Variants in RBFOX1 observed in about 807,000 individuals in gnomAD.
The protein encoded by RBFOX1 is RNA binding protein fox-1 homolog 1.
RBFOX1 carries 8 observed loss-of-function variants against 57.7 expected under a neutral mutation model. The ratio of observed to expected loss-of-function variants is 0.14; its 90% CI spans 0.08 to 0.25. The LOEUF is 0.25. RBFOX1 is among the 10% of genes least tolerant of loss of function. The pLI is 1.00. For synonymous variants in RBFOX1, 326 were observed against 222.4 expected (o/e 1.47, Z -4.15); for missense variants, 611 against 548.5 (o/e 1.11, Z -1.14).
chr16:6,893,434 A>G (rs1205580762), intron 3 of RBFOX1, among the ~76,000 whole-genome samples: 1 of 152,194 alleles, frequency 6.6e-6, no homozygotes, highest in African/African-American at 2.4e-5. Flanking sequence ...CTCATTCATC[A>G]AAAGATCTTT....
chr16:6,726,830 C>T (rs2067297113), intron 3 of RBFOX1, among the ~76,000 whole-genome samples: 1 of 152,002 alleles, frequency 6.6e-6, no homozygotes, highest in Non-Finnish European at 1.5e-5. Flanking sequence ...TTTTAAGGAA[C>T]ACCAAGTTCT....
intron 3 of RBFOX1, among the ~76,000 whole-genome samples, chr16:5,622,965 C>G (rs774138803): frequency 2.6e-5 from 4 of 152,142 alleles, no homozygotes; most frequent in Non-Finnish European, 5.9e-5. Flanking sequence ...AATCTATAGA[C>G]AGTTTGAAGT....
chr16:7,602,006 T>C (rs900447587), intron 9 of RBFOX1, among the ~76,000 whole-genome samples: 2 of 152,202 alleles, frequency 1.3e-5, no homozygotes, highest in African/African-American at 4.8e-5. Context: ...ATCCTTAGTA[T>C]ATGTCTTTAG....
At chr16:7,198,124 GCCTCC>G (rs958232416) in intron 4 of RBFOX1, among the ~76,000 whole-genome samples, 1 of 145,894 alleles carries the variant, frequency 6.9e-6, no homozygotes, top group Non-Finnish European at 1.5e-5. Flanking sequence ...TCCTGCCTCA[GCCTCC>G]CAAGTAGCTG....
intron 3 of RBFOX1, among the ~76,000 whole-genome samples, chr16:6,793,661 T>C (rs904901628): frequency 6.6e-6 from 1 of 152,214 alleles, no homozygotes; most frequent in African/African-American, 2.4e-5. Context: ...CAAAGTATTA[T>C]AACTTGCTCT....
chr16:5,781,151 T>C (rs1445486146), intron 3 of RBFOX1, among the ~76,000 whole-genome samples: 3 of 152,136 alleles, frequency 2.0e-5, no homozygotes, highest in Non-Finnish European at 4.4e-5. Flanking sequence ...CCGAAAAGTA[T>C]GGTGAAATTA....
chr16:5,999,069 C>T (rs921864691), intron 4 of RBFOX1, among the ~76,000 whole-genome samples: 1 of 152,194 alleles, frequency 6.6e-6, no homozygotes, highest in Non-Finnish European at 1.5e-5. Flanking sequence ...GTTCAAGGAG[C>T]ATGACAGAGT....
At chr16:6,939,432 A>G (rs916013670) in intron 3 of RBFOX1, among the ~76,000 whole-genome samples, 3 of 151,718 alleles carry the variant, frequency 2.0e-5, no homozygotes, top group African/African-American at 7.3e-5. Context: ...TATATAGTAG[A>G]CATCTGTTTT....
intron 1 of RBFOX1, among the ~76,000 whole-genome samples, chr16:5,431,563 C>T (rs969945085): frequency 1.3e-4 from 20 of 151,964 alleles, no homozygotes; most frequent in South Asian, 2.1e-4. Context: ...TTACTAGAGA[C>T]GGGGTTTCAC....
chr16:5,689,828 T>A (rs779434063), intron 3 of RBFOX1, among the ~76,000 whole-genome samples: 15 of 151,432 alleles, frequency 9.9e-5, no homozygotes, highest in Non-Finnish European at 2.1e-4. Context: ...AAGGAACACA[T>A]TTGTAAATAA....
At chr16:5,781,489 C>T (rs1221728513) in intron 3 of RBFOX1, among the ~76,000 whole-genome samples, 1 of 152,176 alleles carries the variant, frequency 6.6e-6, no homozygotes, top group African/African-American at 2.4e-5. Flanking sequence ...CAAACACCCA[C>T]ACATATTTAC....
At chr16:7,509,799 G>A (rs1013206050) in intron 4 of RBFOX1, among the ~76,000 whole-genome samples, 1 of 151,764 alleles carries the variant, frequency 6.6e-6, no homozygotes, top group African/African-American at 2.4e-5. Context: ...CTGAATGTTT[G>A]CCCTCCCCTC....
intron 3 of RBFOX1, among the ~76,000 whole-genome samples, chr16:6,971,431 G>T (rs1486543599): frequency 6.6e-6 from 1 of 151,994 alleles, no homozygotes; most frequent in Non-Finnish European, 1.5e-5. Flanking sequence ...TGTAAGATGG[G>T]TTTGGAGGGG....
chr16:7,184,396 G>C (rs554126583), intron 4 of RBFOX1, among the ~76,000 whole-genome samples: 1 of 152,292 alleles, frequency 6.6e-6, no homozygotes, highest in East Asian at 1.9e-4. Context: ...AGAAGTCTAG[G>C]GGATACATGA....
intron 2 of RBFOX1, among the ~76,000 whole-genome samples, chr16:6,433,434 G>C (rs766293230): frequency 1.3e-5 from 2 of 152,162 alleles, no homozygotes; most frequent in African/African-American, 4.8e-5. Flanking sequence ...CTTTCTCATG[G>C]GACTCAGACA....
intron 4 of RBFOX1, among the ~76,000 whole-genome samples, chr16:7,514,678 C>T (rs74010542): frequency 1.3e-5 from 2 of 152,044 alleles, no homozygotes; most frequent in African/African-American, 4.8e-5. Flanking sequence ...GCTTTCCAAG[C>T]TGAGGGGCAG....
chr16:5,441,079 C>A (rs1043458635), intron 1 of RBFOX1, among the ~76,000 whole-genome samples: 1 of 152,046 alleles, frequency 6.6e-6, no homozygotes, highest in Non-Finnish European at 1.5e-5. Flanking sequence ...TGACTTGGGC[C>A]GTGGTTCAGA....
intron 2 of RBFOX1, among the ~76,000 whole-genome samples, chr16:5,468,307 G>A (rs186757386): frequency 1.3e-3 from 205 of 152,180 alleles, no homozygotes; most frequent in African/African-American, 4.7e-3. Context: ...TTTTCATCAT[G>A]CCAAAGTAAA....
At chr16:6,197,602 C>T (rs1046175551) in intron 1 of RBFOX1, among the ~76,000 whole-genome samples, 17 of 151,912 alleles carry the variant, frequency 1.1e-4, no homozygotes, top group African/African-American at 4.1e-4. Context: ...AGTAGAGGAC[C>T]AGGATCACCT....
Sources: gnomAD v4.1 joint callset for allele counts (sites outside exome capture counted in the v4.1 genomes callset) on GRCh38, gnomAD v4.1.1 for gene constraint, MANE v1.5 for transcripts, NCBI Gene and HGNC (gene_info 2026-07-23, HGNC 2026-07-21) for gene names.